Variants in ART3 observed in about 807,000 individuals in gnomAD.
The protein encoded by ART3 is ecto-ADP-ribosyltransferase 3.
ART3 carries 49 observed loss-of-function variants against 48.5 expected under a neutral mutation model. That is an observed-to-expected ratio of 1.01 (90% CI 0.80 to 1.28). The LOEUF (loss-of-function observed/expected upper bound fraction) is 1.28, where lower values mean the gene tolerates loss of function less well. ART3 is among the 50% of genes most tolerant of loss of function. ART3 has a pLI of 0.00. For synonymous variants in ART3, 145 were observed against 157.2 expected (o/e 0.92, Z 0.58); for missense variants, 438 against 454.3 (o/e 0.96, Z 0.33).
intron 3 of ART3, among the ~76,000 whole-genome samples, chr4:76,089,767 G>A (rs1724433926): frequency 6.6e-6 from 1 of 152,102 alleles, no homozygotes. Context: ...AAGCCTGGCT[G>A]TGTTTTTCTT....
At chr4:76,022,885 G>T in intron 1 of ART3, 1 of 1,523,800 alleles carries the variant, frequency 6.6e-7, no homozygotes. Flanking sequence ...ATGTAGACTG[G>T]TGGTATTTAG....
In ART3 at chr4:76,041,084, A is replaced by G. The variant is rs1734932968; in HGVS notation, c.-10+29764A>G. The G allele has an allele frequency of 1.3e-5, 2 of 152,226 alleles. 1 individual carries two copies. Among genetic ancestry groups the G allele is most frequent in the African/African-American group, 4.8e-5 (2 of 41,470 alleles). The allele number at this position is 152,226 out of a possible 1,614,324, so 9.4% of individuals were successfully genotyped here. On this transcript the variant is annotated intron_variant, in intron 1 of 9. Coordinates refer to the ART3 transcript ENST00000341029. The stretch of plus-strand genomic sequence containing the variant: ...TCACATGTCTGGCACTCTTTTGGGT[A>G]TTAGAGATAGAACAGTGAACAAAAC...
chr4:76,094,583 T>C (rs1271429059), intron 3 of ART3, among the ~76,000 whole-genome samples: 1 of 152,232 alleles, frequency 6.6e-6, no homozygotes, highest in African/African-American at 2.4e-5. Flanking sequence ...AGAGACACTT[T>C]AATCCAGGGC....
At chr4:76,043,241 C>T (rs1457863433) in intron 1 of ART3, among the ~76,000 whole-genome samples, 3 of 152,096 alleles carry the variant, frequency 2.0e-5, no homozygotes, top group South Asian at 2.1e-4. Context: ...CGCAGTGGAT[C>T]CCGCACCAGG....
At chr4:76,099,039 C>T (rs751796232) in intron 5 of ART3, 52 bp downstream of exon 5, 15 of 1,523,512 alleles carry the variant, frequency 9.8e-6, no homozygotes, top group East Asian at 4.5e-5. Context: ...TGGTGGCTCA[C>T]GCCTGTAATC....
chr4:76,070,519 A>C (rs780849353), upstream of ART3, among the ~76,000 whole-genome samples: 40 of 152,328 alleles, frequency 2.6e-4, no homozygotes, highest in Non-Finnish European at 4.7e-4. Flanking sequence ...TCATTCAATA[A>C]AATAATCATT....
At chr4:76,017,658 G>T (rs763600318) in intron 1 of ART3, among the ~76,000 whole-genome samples, 2 of 152,168 alleles carry the variant, frequency 1.3e-5, no homozygotes, top group Non-Finnish European at 2.9e-5. Flanking sequence ...CACTAGGACT[G>T]CCTAGGACTT....
intron 1 of ART3, among the ~76,000 whole-genome samples, chr4:76,014,038 T>G (rs1215410020): frequency 6.6e-6 from 1 of 152,206 alleles, no homozygotes. Context: ...TTTTTCCATT[T>G]TGTTAAATTA....
In ART3 at chr4:76,053,938, C is replaced by T. The variant is rs114694243; in HGVS notation, c.-9-21943C>T. ...TGGCTGCCTGGAAAATGACTGCACTCGACAACTGCCAGGTCAATGTAGACG... is the reference window on the plus strand; with the variant it reads ...TGGCTGCCTGGAAAATGACTGCACTTGACAACTGCCAGGTCAATGTAGACG... On this transcript the variant is annotated intron_variant, in intron 1 of 9. Transcript: ENST00000341029. Among the ~76,000 whole-genome samples, 365 of 152,278 alleles carry T rather than the reference C, an allele frequency of 2.4e-3. 1 individual carries two copies. The highest frequency in any genetic ancestry group is 8.6e-3 in the African/African-American group (356 of 41,540).
At chr4:76,109,952 A>T (rs1729169663) in intron 11 of ART3, among the ~76,000 whole-genome samples, 1 of 152,174 alleles carries the variant, frequency 6.6e-6, no homozygotes, top group Non-Finnish European at 1.5e-5. Context: ...TCCCATTTGG[A>T]TACTTCCAGT....
rs778762393 is a variant in ART3, at chr4:76,112,515, T to C, written c.1166T>C (p.Leu389Pro). The C allele has an allele frequency of 1.9e-6, 3 of 1,611,596 alleles. No individual in the cohort carries two copies. Among genetic ancestry groups the C allele is most frequent in the East Asian group, 4.5e-5 (2 of 44,802 alleles). Residue 389 changes from leucine to proline, a missense_variant, in exon 12 of 12, where the codon CTG (leucine) becomes CCG (proline). Leu to Pro is a moderately conservative substitution (Grantham distance 98). Around this residue, in one of 3 missense-constraint regions of ART3, gnomAD observed 227 missense variants for 229.6 expected, o/e 0.99. Transcript: ENST00000355810. ...SVSAINLFVA[L>P] ...TCTGCTATAAATCTCTTTGTTGCTC[T>C]GTAGTTTGATGCATTGTTTATCTTT...
intron 1 of ART3, among the ~76,000 whole-genome samples, chr4:76,049,472 G>C (rs1232305150): frequency 6.6e-6 from 1 of 151,880 alleles, no homozygotes; most frequent in Non-Finnish European, 1.5e-5. Context: ...GCTCAGCCCA[G>C]AAGTACAGGA....
intron 1 of ART3, among the ~76,000 whole-genome samples, chr4:76,024,966 T>A (rs1335707728): frequency 6.6e-6 from 1 of 151,878 alleles, no homozygotes; most frequent in Non-Finnish European, 1.5e-5. Flanking sequence ...AAGCAGAGAG[T>A]GAGTTGCTTG....
chr4:76,112,535 ATCTTTCT>A lies in ART3; in HGVS notation c.*18_*24del. Reference sequence around the variant, plus strand: ...TGCTCTGTAGTTTGATGCATTGTTTATCTTTCTTATTCTTTACTTGAAATAACTATAG... The same window carrying A: ...TGCTCTGTAGTTTGATGCATTGTTTATATTCTTTACTTGAAATAACTATAG... On this transcript the variant is annotated 3_prime_UTR_variant, in exon 12 of 12. Transcript: ENST00000355810. 6.2e-7 allele frequency: 1 copy of A among 1,605,136 alleles called. No individual in the cohort carries two copies. The highest frequency in any genetic ancestry group is 8.5e-7 in the Non-Finnish European group (1 of 1,175,062).
At chr4:76,022,301 AT>A (rs1732916705) in intron 1 of ART3, 1 of 1,325,956 alleles carries the variant, frequency 7.5e-7, no homozygotes, top group East Asian at 2.3e-5. Flanking sequence ...CAATGCAAGT[AT>A]TTCTGACTCC....
At chr4:76,075,006 AAAAAC>A (rs1282243517) in intron 1 of ART3, among the ~76,000 whole-genome samples, 187 bp downstream of exon 1, 3 of 152,200 alleles carry the variant, frequency 2.0e-5, no homozygotes, top group Non-Finnish European at 2.9e-5. Flanking sequence ...TATTTTTAGT[AAAAAC>A]AAAACAAAAC....
chr4:76,058,898 TG>T (rs1718925823), intron 1 of ART3, among the ~76,000 whole-genome samples: 1 of 152,122 alleles, frequency 6.6e-6, no homozygotes, highest in Admixed American at 6.6e-5. Flanking sequence ...GAGCTCTGTG[TG>T]GTGAAAGAAG....
At chr4:76,073,591 A>G (rs1720548561), upstream of ART3, among the ~76,000 whole-genome samples, 1 of 152,232 alleles carries the variant, frequency 6.6e-6, no homozygotes, top group African/African-American at 2.4e-5. Context: ...AACACATATC[A>G]TAAGTATATA....
At chr4:76,025,993 T>A (rs1192264963) in intron 1 of ART3, among the ~76,000 whole-genome samples, 1 of 152,126 alleles carries the variant, frequency 6.6e-6, no homozygotes, top group Non-Finnish European at 1.5e-5. Flanking sequence ...CTCAAACAAC[T>A]TCCAGTTAGA....
Sources: allele counts gnomAD v4.1 joint callset (sites outside exome capture counted in the v4.1 genomes callset), GRCh38; gene constraint gnomAD v4.1.1; regional missense constraint gnomAD v4.1.1; transcripts MANE v1.5; gene names NCBI Gene and HGNC (gene_info 2026-07-23, HGNC 2026-07-21).